RBM18: variants seen among roughly 807,000 people sequenced by gnomAD.
RBM18 encodes probable RNA-binding protein 18.
In RBM18, 18 loss-of-function variants were observed where a neutral mutation model predicts 26.4. That is an observed-to-expected ratio of 0.68 (90% CI 0.47 to 1.01). The LOEUF (loss-of-function observed/expected upper bound fraction) is 1.01. Among genes scored for constraint, RBM18 ranks in the 50% least tolerant of loss-of-function variants. The probability of loss-of-function intolerance (pLI) is 0.00; values close to 1 mark genes in which losing one functional copy is unlikely to be tolerated. For missense variants in RBM18, 180 were observed against 219.2 expected, an observed-to-expected ratio of 0.82 and a Z score of 1.13; for synonymous variants, 74 against 81.1, an observed-to-expected ratio of 0.91 and a Z score of 0.47.
intron 3 of RBM18, among the ~76,000 whole-genome samples, chr9:122,248,964 T>C (rs1177423661): frequency 6.6e-6 from 1 of 152,224 alleles, no homozygotes; most frequent in Non-Finnish European, 1.5e-5. Context: ...CTAATCATCC[T>C]TGCCCCACTA....
intron 5 of RBM18, among the ~76,000 whole-genome samples, chr9:122,244,803 G>A (rs914235165): frequency 6.6e-6 from 1 of 152,106 alleles, no homozygotes; most frequent in Non-Finnish European, 1.5e-5. Context: ...CTAACAATTT[G>A]TACAAACTAG....
chr9:122,243,387 A>C (rs1831455542), intron 5 of RBM18, among the ~76,000 whole-genome samples: 1 of 152,238 alleles, frequency 6.6e-6, no homozygotes, highest in African/African-American at 2.4e-5. Context: ...CAGTTAACAA[A>C]CTGTAGTGAG....
chr9:122,250,497 T>A (rs1480100970), intron 3 of RBM18, among the ~76,000 whole-genome samples: 2 of 152,202 alleles, frequency 1.3e-5, no homozygotes, highest in East Asian at 3.8e-4. Context: ...TCAAAAATGA[T>A]TAGTTTTTAA....
chr9:122,245,389 C>A (rs778667244), intron 4 of RBM18, 48 bp from the exon 5 acceptor site: 169 of 1,213,658 alleles, frequency 1.4e-4, no homozygotes, highest in Non-Finnish European at 1.7e-4. Context: ...AGAAACCAGC[C>A]CTTTACTGTA....
Position 122,251,967 on chromosome 9 carries a change from G to T in RBM18, c.120C>A (p.His40Gln). Reference sequence around the variant, plus strand: ...CAAACTTCTGGAGGAGCTTGAGGAGGTGGTATCTGTGGAGAAAGAAGAGTC... The same window carrying T: ...CAAACTTCTGGAGGAGCTTGAGGAGTTGGTATCTGTGGAGAAAGAAGAGTC... ...GNLDPKITEY[H>Q]LLKLLQKFGK... Residue 40 changes from histidine to glutamine, a missense_variant, in exon 3 of 6, where the codon CAC (histidine) becomes CAA (glutamine). This residue lies in a region of RBM18 where 49 missense variants were observed against 56.6 expected (regional missense o/e 0.87). Coordinates refer to ENST00000417201, the MANE Select transcript of RBM18 (RefSeq NM_033117.4). The T allele has an allele frequency of 1.2e-6, 2 of 1,614,122 alleles. No individual in the cohort carries two copies. Among genetic ancestry groups the T allele is most frequent in the Non-Finnish European group, 1.7e-6 (2 of 1,179,970 alleles).
In RBM18 at chr9:122,238,380, G is replaced by C. The variant is rs75752865; in HGVS notation, c.*3504C>G. The C allele has an allele frequency of 6.6e-6, 1 of 152,198 alleles. No individual in the cohort carries two copies. Among genetic ancestry groups the C allele is most frequent in the African/African-American group, 2.4e-5 (1 of 41,456 alleles). 9.4% of individuals were successfully genotyped at this position (152,198 alleles called of 1,614,324 possible). ...AGCGGTAAGTGCTTTTGAGAAAATC[G>C]TGAGGAAAGGATTGGAGAGTGACAG... On this transcript the variant is annotated 3_prime_UTR_variant, in exon 6 of 6. Transcript: ENST00000417201.
At chr9:122,258,783 A>T (rs1831738639) in intron 2 of RBM18, among the ~76,000 whole-genome samples, 1 of 151,892 alleles carries the variant, frequency 6.6e-6, no homozygotes, top group Non-Finnish European at 1.5e-5. Context: ...CTACAAAACA[A>T]AAACAAAAAA....
chr9:122,251,741 T>C (rs771891789), intron 3 of RBM18, 106 bp downstream of exon 3: 4 of 979,578 alleles, frequency 4.1e-6, no homozygotes, highest in Non-Finnish European at 6.2e-6. Context: ...GAATCAGACA[T>C]GGCTCCTGCC....
intron 5 of RBM18, among the ~76,000 whole-genome samples, chr9:122,243,464 A>G (rs1255919128): frequency 6.6e-6 from 1 of 152,170 alleles, no homozygotes; most frequent in East Asian, 1.9e-4. Flanking sequence ...ATAGTCCTAT[A>G]TTGTACAGGA....
chr9:122,243,907 G>C, intron 5 of RBM18: 4 of 979,068 alleles, frequency 4.1e-6, no homozygotes, highest in Non-Finnish European at 4.9e-6. Flanking sequence ...AGGCTATCTT[G>C]TAAACAAGTG....
chr9:122,256,026 G>A (rs948829342), intron 2 of RBM18, among the ~76,000 whole-genome samples: 1 of 150,878 alleles, frequency 6.6e-6, no homozygotes, highest in Non-Finnish European at 1.5e-5. Flanking sequence ...GTGAGACTCT[G>A]TCTCAAAAAG....
In RBM18 at chr9:122,261,247, C is replaced by T. The variant is rs950489304; in HGVS notation, c.113+133G>A. 88 of 652,666 alleles carry T rather than the reference C, an allele frequency of 1.3e-4. 1 individual carries two copies. The South Asian group carries it at 1.4e-3, about 11-fold the overall frequency. The allele number at this position is 652,666 out of a possible 1,614,324, so 40.4% of individuals were successfully genotyped here. A position where few individuals can be genotyped will look rare whatever the true frequency, so the allele number is the denominator to read the frequency against. On this transcript the variant is annotated intron_variant, in intron 2 of 5. Coordinates refer to ENST00000417201, the MANE Select transcript of RBM18 (RefSeq NM_033117.4). ...TGACAAGATAACAGGCTAACAACAT[C>T]TTATCTCTCCGAAGACACGATGTAA...
At chr9:122,263,021 G>C (rs867183365) in intron 1 of RBM18, among the ~76,000 whole-genome samples, 1 of 152,262 alleles carries the variant, frequency 6.6e-6, no homozygotes, top group Middle Eastern at 3.4e-3. Context: ...AAGCTTTAGG[G>C]GCTGGGAGGA....
At chr9:122,243,228 T>C (rs1831452394) in intron 5 of RBM18, among the ~76,000 whole-genome samples, 1 of 152,170 alleles carries the variant, frequency 6.6e-6, no homozygotes, top group African/African-American at 2.4e-5. Context: ...TGCCTCAGCC[T>C]CCCTAAATGC....
chr9:122,264,204 C>T (rs1304320578), intron 1 of RBM18, among the ~76,000 whole-genome samples: 1 of 152,154 alleles, frequency 6.6e-6, no homozygotes, highest in Non-Finnish European at 1.5e-5. Flanking sequence ...CTTTTTCCTT[C>T]CTAGAATGGG....
intron 5 of RBM18, among the ~76,000 whole-genome samples, chr9:122,243,029 C>G (rs964935377): frequency 3.3e-5 from 5 of 152,140 alleles, no homozygotes; most frequent in Non-Finnish European, 7.4e-5. Context: ...AGGGTTTCAC[C>G]ATTTTGGCCA....
At chr9:122,255,266 G>C (rs1216273127) in intron 2 of RBM18, among the ~76,000 whole-genome samples, 1 of 152,176 alleles carries the variant, frequency 6.6e-6, no homozygotes, top group African/African-American at 2.4e-5. Flanking sequence ...TAACCAAACA[G>C]TGAAGGCTGT....
chr9:122,251,518 C>T (rs1261927844), intron 3 of RBM18, among the ~76,000 whole-genome samples: 10 of 152,154 alleles, frequency 6.6e-5, no homozygotes, highest in Admixed American at 6.5e-4. Context: ...GAAAAGAAGG[C>T]TTTGTCAGTT....
intron 4 of RBM18, among the ~76,000 whole-genome samples, chr9:122,246,814 A>G (rs1264777216): frequency 2.6e-5 from 4 of 152,214 alleles, no homozygotes; most frequent in Non-Finnish European, 5.9e-5. Flanking sequence ...AGGTTTTTCA[A>G]GTCCCCACTG....
Sources: gnomAD v4.1 joint callset for allele counts (sites outside exome capture counted in the v4.1 genomes callset) on GRCh38, gnomAD v4.1.1 for gene constraint, gnomAD v4.1.1 regional missense constraint, MANE v1.5 for transcripts, NCBI Gene and HGNC (gene_info 2026-07-23, HGNC 2026-07-21) for gene names.